ASB14: variants seen among roughly 807,000 people sequenced by gnomAD.
ASB14 encodes ankyrin repeat and SOCS box containing 14, also known as ankyrin repeat and SOCS box protein 14.
Under a neutral mutation model 55.6 loss-of-function variants are expected in ASB14, and 63 were observed. The ratio of observed to expected loss-of-function variants is 1.13; its 90% CI spans 0.92 to 1.40. ASB14 has a LOEUF of 1.40. Among genes scored for constraint, ASB14 ranks in the 40% most tolerant of loss-of-function variants. The pLI, the probability that ASB14 is intolerant of heterozygous loss-of-function variation, is 0.00. For synonymous variants in ASB14, 256 were observed against 259.9 expected, an observed-to-expected ratio of 0.98 and a Z score of 0.15; for missense variants, 724 against 710.4, an observed-to-expected ratio of 1.02 and a Z score of -0.22.
At position 57,277,986 on chromosome 3, in the gene ASB14, A is replaced by C. The variant is rs1477748722; in HGVS notation, c.1432-66T>G. On this transcript the variant is annotated intron_variant, in intron 8 of 10. Transcript: ENST00000487349. ...ACACAAAGTATCTATGGTTTAGCAT[A>C]GTAGTCAAAGGAGATGTGGTGTGAT... The C allele has an allele frequency of 8.4e-6, 12 of 1,433,628 alleles. No homozygotes were observed. The Admixed American group carries it at 2.3e-4, about 28-fold the overall frequency. 88.8% of individuals were successfully genotyped at this position (1,433,628 alleles called of 1,614,324 possible). A position where few individuals can be genotyped will look rare whatever the true frequency, so the allele number is the denominator to read the frequency against.
chr3:57,288,873 C>T (rs531440304), intron 3 of ASB14, 195 bp downstream of exon 3: 1 of 423,926 alleles, frequency 2.4e-6, no homozygotes, highest in Non-Finnish European at 4.2e-6. Context: ...CGCCACCATG[C>T]CCGGCTAATT....
intron 10 of ASB14, chr3:57,270,923 A>T (rs1230556409): frequency 1.3e-5 from 2 of 152,174 alleles, no homozygotes; most frequent in Non-Finnish European, 2.9e-5. Flanking sequence ...ACATTTCTCT[A>T]CTGCCTATTG....
intron 6 of ASB14, among the ~76,000 whole-genome samples, chr3:57,282,532 G>A (rs2061048187): frequency 6.6e-6 from 1 of 152,204 alleles, no homozygotes; most frequent in African/African-American, 2.4e-5. Context: ...CAGCTACAGA[G>A]CTGGGGATAG....
rs926324198 is a variant in ASB14 at position 57,285,995 on chromosome 3, T to G, written c.469+1906A>C. ...TAACAGTAGGGAACAAGAAAGTTTTTGAGATTTCCTATGTCTGAAAATATC... is the reference window on the plus strand; with the variant it reads ...TAACAGTAGGGAACAAGAAAGTTTTGGAGATTTCCTATGTCTGAAAATATC... On this transcript the variant is annotated intron_variant, in intron 5 of 10. Coordinates refer to ENST00000487349, the MANE Select transcript of ASB14 (RefSeq NM_001142733.3). Among the ~76,000 whole-genome samples, 2 of 152,252 alleles carry G rather than the reference T, an allele frequency of 1.3e-5. 1 individual carries two copies. The highest frequency in any genetic ancestry group is 4.8e-5 in the African/African-American group (2 of 41,474).
Position 57,283,201 on chromosome 3 carries a change from C to T in ASB14, c.708G>A (p.Leu236=). Residue 236 remains leucine (L), a synonymous_variant, in exon 6 of 11, where the codon CTG becomes CTA. Coordinates refer to ENST00000487349, the MANE Select transcript of ASB14 (RefSeq NM_001142733.3). ...CCAAACAGAAGATCTTGCCTTTCCG[C>T]AGTAACATTTCCATGATTTCAGTGT... ...SGHTEIMEML[L]RKGANAHGQA... The T allele has an allele frequency of 1.3e-6, 2 of 1,552,180 alleles. No individual in the cohort carries two copies. Among genetic ancestry groups the T allele is most frequent in the Non-Finnish European group, 1.7e-6 (2 of 1,147,032 alleles).
intron 10 of ASB14, chr3:57,272,822 A>C (rs1452983947): frequency 6.6e-6 from 1 of 152,068 alleles, no homozygotes. Context: ...GATGTTCTCG[A>C]TCTCCTGACC....
Position 57,288,138 on chromosome 3 carries a change from A to G in ASB14, c.310+17T>C, listed in dbSNP as rs1407337969. On this transcript the variant is annotated intron_variant, in intron 4 of 10. Coordinates refer to ENST00000487349, the MANE Select transcript of ASB14 (RefSeq NM_001142733.3). Reference sequence around the variant, plus strand: ...TTTATCTCTCAGAAGCATCAAGAAGAATCAAAGGGAATTTACCGCTTAGGG... The same window carrying G: ...TTTATCTCTCAGAAGCATCAAGAAGGATCAAAGGGAATTTACCGCTTAGGG... 1 of 1,536,608 alleles carries G rather than the reference A, an allele frequency of 6.5e-7. No homozygotes were observed. Among genetic ancestry groups the G allele is most frequent in the South Asian group, 1.2e-5 (1 of 83,990 alleles).
intron 5 of ASB14, among the ~76,000 whole-genome samples, chr3:57,284,268 A>G (rs149572038): frequency 7.2e-5 from 11 of 152,220 alleles, no homozygotes; most frequent in African/African-American, 2.6e-4. Context: ...CTGGGTCTAC[A>G]GGCATATGCC....
chr3:57,274,345 G>T (rs951129147), intron 10 of ASB14, among the ~76,000 whole-genome samples: 32 of 152,190 alleles, frequency 2.1e-4, no homozygotes, highest in Non-Finnish European at 4.1e-4. Context: ...ATGGTTGAAT[G>T]AATGTCTTTT....
intron 6 of ASB14, among the ~76,000 whole-genome samples, chr3:57,281,973 T>TA (rs2061043897): frequency 6.6e-6 from 1 of 152,228 alleles, no homozygotes; most frequent in Non-Finnish European, 1.5e-5. Flanking sequence ...GGTCAACTGA[T>TA]ACTGGTTTCT....
At position 57,276,729 on chromosome 3, in the gene ASB14, C is replaced by A; in HGVS notation, c.1586-1G>T. On this transcript the variant is annotated splice_acceptor_variant, in intron 9 of 10. Coordinates refer to ENST00000487349, the MANE Select transcript of ASB14 (RefSeq NM_001142733.3). LOFTEE classifies it high-confidence loss of function. Reference sequence around the variant, plus strand: ...AAATGTTTTAGGGAGCGAGGGTTTGCTAAAAAGAAAAGGCACATTATCCAA... The same window carrying A: ...AAATGTTTTAGGGAGCGAGGGTTTGATAAAAAGAAAAGGCACATTATCCAA... The A allele has an allele frequency of 6.2e-7, 1 of 1,602,652 alleles. No homozygotes were observed. Among genetic ancestry groups the A allele is most frequent in the Non-Finnish European group, 8.5e-7 (1 of 1,175,918 alleles).
chr3:57,280,269 T>G (rs781350181), intron 7 of ASB14, 33 bp downstream of exon 7: 1 of 1,427,626 alleles, frequency 7.0e-7, no homozygotes, highest in South Asian at 1.4e-5. Context: ...TATTACTGTT[T>G]TTATTATTTA....
At chr3:57,282,679 C>G (rs2061049134) in intron 6 of ASB14, among the ~76,000 whole-genome samples, 1 of 152,142 alleles carries the variant, frequency 6.6e-6, no homozygotes, top group African/African-American at 2.4e-5. Flanking sequence ...TAGTTTAATG[C>G]TTTTGCTTAG....
Position 57,280,452 on chromosome 3 carries a change from G to A in ASB14, c.737C>T (p.Ala246Val). The change falls in exon 7 of 11, where the codon GCC becomes GTC. Residue 246 changes from alanine to valine, a missense_variant. Coordinates refer to ENST00000487349, the MANE Select transcript of ASB14 (RefSeq NM_001142733.3). ...LRKGANAHGQASDSSSILLEA... is the reference protein window; with the variant it reads ...LRKGANAHGQVSDSSSILLEA... The stretch of plus-strand genomic sequence containing the variant: ...AAGTAAGATGGAAGAAGAATCAGAG[G>A]CCTGACCATGAGCATTAGCTCCTAA... 6.4e-7 allele frequency: 1 copy of A among 1,550,994 alleles called. No individual in the cohort carries two copies. The highest frequency in any genetic ancestry group is 1.2e-5 in the South Asian group (1 of 84,022).
chr3:57,286,025 A>G (rs917665895), intron 5 of ASB14, among the ~76,000 whole-genome samples: 2 of 152,230 alleles, frequency 1.3e-5, no homozygotes, highest in Non-Finnish European at 2.9e-5. Flanking sequence ...AATATCTTTT[A>G]TGTCTTTAAT....
chr3:57,283,275 G>GTGGGTCAGGGTGTGCCCCAT lies in ASB14; in HGVS notation c.633_634insATGGGGCACACCCTGACCCA (p.Gln212MetfsTer92). The GTGGGTCAGGGTGTGCCCCAT allele has an allele frequency of 1.3e-6, 2 of 1,551,950 alleles. No homozygotes were observed. The highest frequency in any genetic ancestry group is 1.7e-6 in the Non-Finnish European group (2 of 1,147,018). On this transcript the variant is annotated frameshift_variant, in exon 6 of 11. Transcript: ENST00000487349. LOFTEE classifies it high-confidence loss of function. ...AGAGGAGTGAATCCATACGTGCTCT[G>GTGGGTCAGGGTGTGCCCCAT]TGGGTCAGGGTGTGCCCCAGAAACC...
chr3:57,278,055 T>C (rs1218113267), intron 8 of ASB14, 135 bp from the exon 9 acceptor site: 6 of 754,436 alleles, frequency 8.0e-6, no homozygotes, highest in African/African-American at 1.8e-5. Context: ...GAAGGGATGG[T>C]AGTGGTCAAC....
At chr3:57,288,983 A>G (rs534513581) in intron 3 of ASB14, 85 bp downstream of exon 3, 15 of 1,080,740 alleles carry the variant, frequency 1.4e-5, no homozygotes, top group Admixed American at 2.2e-5. Flanking sequence ...CTCCCAAAGT[A>G]CTGGGATTAC....
rs146690897 is a variant in ASB14, at chr3:57,278,405, C to T, written c.1403G>A (p.Trp468Ter). 1.2e-6 allele frequency: 2 copies of T among 1,613,906 alleles called. No individual in the cohort carries two copies. The highest frequency in any genetic ancestry group is 1.7e-6 in the Non-Finnish European group (2 of 1,179,862). ...KVHPSYTVEG[W>*]TSTVIKDTKF... ...AGTATCTTTGATAACTGTAGATGTCCAGCCTTCAACAGTATAGGAAGGATG... is the reference window on the plus strand; with the variant it reads ...AGTATCTTTGATAACTGTAGATGTCTAGCCTTCAACAGTATAGGAAGGATG... Residue 468 changes from tryptophan to a stop codon, truncating the protein, a stop_gained, in exon 8 of 11, where the codon TGG becomes TAG. Coordinates refer to ENST00000487349, the MANE Select transcript of ASB14 (RefSeq NM_001142733.3). LOFTEE classifies it high-confidence loss of function.
Sources: gnomAD v4.1 joint callset for allele counts (sites outside exome capture counted in the v4.1 genomes callset) on GRCh38, gnomAD v4.1.1 for gene constraint, MANE v1.5 for transcripts, NCBI Gene and HGNC (gene_info 2026-07-23, HGNC 2026-07-21) for gene names.